Variants in TAF6 observed in about 807,000 individuals in gnomAD.
TAF6 encodes the protein transcription initiation factor TFIID subunit 6.
A neutral mutation model predicts 73.5 loss-of-function variants in TAF6; 50 were observed. That is an observed-to-expected ratio of 0.68 (90% CI 0.54 to 0.86). The LOEUF (loss-of-function observed/expected upper bound fraction) is 0.86, where lower values mean the gene tolerates loss of function less well. Among genes scored for constraint, TAF6 ranks in the 40% least tolerant of loss-of-function variants. TAF6 has a pLI of 0.00. For missense variants in TAF6, 768 were observed against 899.5 expected (o/e 0.85, Z 1.87); for synonymous variants, 424 against 376.7 (o/e 1.13, Z -1.45).
intron 7 of TAF6, 29 bp from the exon 8 acceptor site, chr7:100,112,028 G>T (rs374459465): frequency 3.1e-6 from 5 of 1,613,922 alleles, no homozygotes; most frequent in Non-Finnish European, 3.4e-6. Flanking sequence ...CAGTCAGGTG[G>T]GGGTGGGATG....
At position 100,107,183 on chromosome 7, in the gene TAF6, T is replaced by TGTGTAC; in HGVS notation, c.*57_*62dup. On this transcript the variant is annotated 3_prime_UTR_variant, in exon 15 of 15. Coordinates refer to ENST00000453269, the MANE Select transcript of TAF6 (RefSeq NM_139315.3). ...TCCTTCCGCTTAGCGAGCATGCATG[T>TGTGTAC]GTGTACGTGCACGTGTGTACATGTC... 2 of 1,518,450 alleles carry TGTGTAC rather than the reference T, an allele frequency of 1.3e-6. No homozygotes were observed. The highest frequency in any genetic ancestry group is 1.8e-6 in the Non-Finnish European group (2 of 1,136,180). 94.1% of individuals were successfully genotyped at this position (1,518,450 alleles called of 1,614,324 possible). A position where few individuals can be genotyped will look rare whatever the true frequency, so the allele number is the denominator to read the frequency against.
rs934806136 is a variant in TAF6 at position 100,108,304 on chromosome 7, C to T, written c.1458+63G>A. 5 of 1,531,986 alleles carry T rather than the reference C, an allele frequency of 3.3e-6. No homozygotes were observed. The African/African-American group carries it at 4.1e-5, about 13-fold the overall frequency. The allele number at this position is 1,531,986 out of a possible 1,614,324, so 94.9% of individuals were successfully genotyped here. A position where few individuals can be genotyped will look rare whatever the true frequency, so the allele number is the denominator to read the frequency against. On this transcript the variant is annotated intron_variant, in intron 13 of 14. Coordinates refer to ENST00000453269, the MANE Select transcript of TAF6 (RefSeq NM_139315.3). ...GGGCACATGTGGCTGTGTGCAAGTG[C>T]CTGTCCCACACAGGGGTTCTCCTCT...
rs4134919 is a variant in TAF6 at position 100,110,105 on chromosome 7, G to A, written c.1159-32C>T. ...GAAGGGAAAAGGACAAGCAAAAGCC[G>A]GAGGGTCACCAGGGTCTCCCAGATG... On this transcript the variant is annotated intron_variant, in intron 11 of 14. Transcript: ENST00000453269. The A allele has an allele frequency of 5.8e-3, 9,337 of 1,613,906 alleles. 504 individuals are homozygous for A. In the African/African-American group the frequency reaches 0.11, roughly 19 times the overall value.
chr7:100,126,457 G>A, the TAF6 span, among the ~76,000 whole-genome samples: 1 of 151,774 alleles, frequency 6.6e-6, no homozygotes, highest in African/African-American at 2.4e-5. Flanking sequence ...GAGCTATGAT[G>A]GTGCCCCTGC....
chr7:100,111,119 C>G lies in TAF6; in HGVS notation c.1083+20G>C. The G allele has an allele frequency of 1.9e-6, 3 of 1,608,890 alleles. No homozygotes were observed. The highest frequency in any genetic ancestry group is 2.6e-6 in the Non-Finnish European group (3 of 1,175,846). On this transcript the variant is annotated intron_variant, in intron 10 of 14. Transcript: ENST00000453269. ...GTGGCCAGTGATGAAGCAAATGACG[C>G]TCAAGTTTTCCTGGCTCACCTTGGT... is the stretch of plus-strand genomic sequence containing the variant.
intron 1 of TAF6, among the ~76,000 whole-genome samples, chr7:100,117,198 G>A (rs1797737903): frequency 6.6e-6 from 1 of 151,158 alleles, no homozygotes. Context: ...GTGAGTAGAG[G>A]TTGTGCCACT....
chr7:100,113,915 G>A lies in TAF6; in HGVS notation c.196C>T (p.Leu66Phe). 1.9e-6 allele frequency: 3 copies of A among 1,613,972 alleles called. No individual in the cohort carries two copies. Among genetic ancestry groups the A allele is most frequent in the Non-Finnish European group, 2.5e-6 (3 of 1,180,022 alleles). Residue 66 changes from leucine (L) to phenylalanine (F), a missense_variant, in exon 3 of 15, where the codon CTC becomes TTC. This residue lies in a region of TAF6 where 269 missense variants were observed against 268.0 expected (regional missense o/e 1.00). Coordinates refer to ENST00000453269, the MANE Select transcript of TAF6 (RefSeq NM_139315.3). Reference sequence around the variant, plus strand: ...GCGTAGTCAATGTCACTGGTGGTGAGCTTCTGCCGCTTCCCCATGTGCATG... The same window carrying A: ...GCGTAGTCAATGTCACTGGTGGTGAACTTCTGCCGCTTCCCCATGTGCATG... ...KFMHMGKRQK[L>F]TTSDIDYALK...
At chr7:100,109,852 G>C in intron 12 of TAF6, 96 bp downstream of exon 12, 5 of 1,540,130 alleles carry the variant, frequency 3.2e-6, no homozygotes, top group Non-Finnish European at 4.4e-6. Context: ...GAAAACATGA[G>C]GCAAAGATGG....
intron 12 of TAF6, among the ~76,000 whole-genome samples, chr7:100,109,236 A>G (rs1326101192): frequency 6.6e-6 from 1 of 151,516 alleles, no homozygotes; most frequent in Non-Finnish European, 1.5e-5. Context: ...AGGCATGAGA[A>G]TTGCTTGAAC....
At chr7:100,121,112 A>ATTTTTTTTTTTTTTTTTTTTTTTTT (rs1798040006), upstream of TAF6, 1 of 30,718 alleles carries the variant, frequency 3.3e-5, no homozygotes, top group Non-Finnish European at 5.8e-5. Context: ...ATATATATAT[A>ATTTTTTTTTTTTTTTTTTTTTTTTT]TATATTTTTT....
intron 1 of TAF6, among the ~76,000 whole-genome samples, chr7:100,118,058 A>AAG (rs1338543504): frequency 9.9e-4 from 150 of 150,942 alleles, no homozygotes; most frequent in Non-Finnish European, 2.0e-3. Context: ...AAAAAAAAAA[A>AAG]AAACAAAAAA....
chr7:100,119,186 C>G lies in TAF6; in HGVS notation c.-60+18G>C. 1 of 989,206 alleles carries G rather than the reference C, an allele frequency of 1.0e-6. No homozygotes were observed. The highest frequency in any genetic ancestry group is 1.2e-6 in the Non-Finnish European group (1 of 831,898). The allele number at this position is 989,206 out of a possible 1,614,324, so 61.3% of individuals were successfully genotyped here. ...GGCACACACACGGGGTCCCCACGAGCACAGACACACAACCAACCGTCCTCT... is the reference window on the plus strand; with the variant it reads ...GGCACACACACGGGGTCCCCACGAGGACAGACACACAACCAACCGTCCTCT... On this transcript the variant is annotated intron_variant, in intron 1 of 14. Transcript: ENST00000453269.
chr7:100,121,854 TC>T (rs1798081769), upstream of TAF6, among the ~76,000 whole-genome samples: 2 of 150,592 alleles, frequency 1.3e-5, no homozygotes, highest in African/African-American at 4.9e-5. Flanking sequence ...ATCGAGACCA[TC>T]CTGGCTAACA....
chr7:100,126,021 C>T, the TAF6 span, among the ~76,000 whole-genome samples: 1 of 152,194 alleles, frequency 6.6e-6, no homozygotes, highest in Non-Finnish European at 1.5e-5. Flanking sequence ...CCCGTCTCTA[C>T]TAAAAATACA....
Position 100,119,353 on chromosome 7 carries a change from C to T in TAF6, c.-209G>A. ...CCCGGCGCTCGGCGCCATCTTGGCC[C>T]CGCCCCCTCGTGGGAGCAGGTCCTG... On this transcript the variant is annotated 5_prime_UTR_variant, in exon 1 of 15. Coordinates refer to ENST00000453269, the MANE Select transcript of TAF6 (RefSeq NM_139315.3). 1.9e-6 allele frequency: 2 copies of T among 1,042,756 alleles called. No individual in the cohort carries two copies. The highest frequency in any genetic ancestry group is 2.3e-6 in the Non-Finnish European group (2 of 864,596). The allele number at this position is 1,042,756 out of a possible 1,614,324, so 64.6% of individuals were successfully genotyped here. A position where few individuals can be genotyped will look rare whatever the true frequency, so the allele number is the denominator to read the frequency against.
upstream of TAF6, among the ~76,000 whole-genome samples, chr7:100,123,532 T>G (rs1463661811): frequency 6.6e-6 from 1 of 152,054 alleles, no homozygotes; most frequent in African/African-American, 2.4e-5. Context: ...AAGAATTTTT[T>G]TTTTCAAGAC....
intron 12 of TAF6, 161 bp from the exon 13 acceptor site, chr7:100,108,701 A>G (rs1267700911): frequency 1.2e-5 from 8 of 694,212 alleles, no homozygotes; most frequent in South Asian, 3.8e-5. Context: ...ATGCTGAACT[A>G]TTAGTGTGTG....
chr7:100,109,900 A>C (rs1176609175), intron 12 of TAF6, 48 bp downstream of exon 12: 3 of 1,603,350 alleles, frequency 1.9e-6, no homozygotes, highest in East Asian at 2.2e-5. Context: ...CTTGCTAAAC[A>C]CTGCCTGTGT....
rs1217025584 is a variant in TAF6 at position 100,107,939 on chromosome 7, G to A, written c.1643C>T (p.Pro548Leu). Residue 548 changes from proline (P) to leucine (L), a missense_variant, in exon 14 of 15, where the codon CCA (proline) becomes CTA (leucine). Around this residue, in one of 5 missense-constraint regions of TAF6, gnomAD observed 350 missense variants for 352.3 expected, o/e 0.99. Transcript: ENST00000453269. ...FIVMSSSSSA[P>L]STQQVLSLST... ...AGCTCTGCATACCTGCTGGGTGGATGGGGCGCTGGAGGACGATGACATTAC... is the reference window on the plus strand; with the variant it reads ...AGCTCTGCATACCTGCTGGGTGGATAGGGCGCTGGAGGACGATGACATTAC... 1.2e-6 allele frequency: 2 copies of A among 1,611,102 alleles called. No homozygotes were observed. Among genetic ancestry groups the A allele is most frequent in the East Asian group, 2.2e-5 (1 of 44,826 alleles).
Sources: gnomAD v4.1 joint callset for allele counts (sites outside exome capture counted in the v4.1 genomes callset) on GRCh38, gnomAD v4.1.1 for gene constraint, gnomAD v4.1.1 regional missense constraint, MANE v1.5 for transcripts, NCBI Gene and HGNC (gene_info 2026-07-23, HGNC 2026-07-21) for gene names.